Variants in REEP5 observed in about 807,000 individuals in gnomAD.
REEP5 encodes the protein receptor accessory protein 5.
Under a neutral mutation model 22.4 loss-of-function variants are expected in REEP5, and 24 were observed. The ratio of observed to expected loss-of-function variants is 1.07; its 90% CI spans 0.78 to 1.51. The LOEUF is 1.51. Ranked by LOEUF, REEP5 falls within the 40% of genes most tolerant of loss-of-function variation. REEP5 has a pLI of 0.00. For missense variants in REEP5, 252 were observed against 233.0 expected, an observed-to-expected ratio of 1.08 and a Z score of -0.53; for synonymous variants, 103 against 88.6, an observed-to-expected ratio of 1.16 and a Z score of -0.92.
intron 2 of REEP5, among the ~76,000 whole-genome samples, chr5:112,913,959 G>A (rs1257410452): frequency 6.6e-6 from 1 of 151,712 alleles, no homozygotes; most frequent in African/African-American, 2.4e-5. Flanking sequence ...TTTGAGACCA[G>A]CCTGGGCAAC....
chr5:112,882,517 G>T (rs1026281422), intron 4 of REEP5, among the ~76,000 whole-genome samples: 1 of 152,192 alleles, frequency 6.6e-6, no homozygotes, highest in Non-Finnish European at 1.5e-5. Context: ...CCATGTAGCT[G>T]AGTATGGCTG....
intron 4 of REEP5, chr5:112,885,839 CT>C: frequency 5.0e-6 from 1 of 199,826 alleles, no homozygotes; most frequent in Non-Finnish European, 1.1e-5. Context: ...ACCTCTCAGC[CT>C]TTTAGAGAAT....
rs552226372 is a variant in REEP5 at position 112,893,094 on chromosome 5, TAAAAAAAA to T, written c.352-5919_352-5912del. 9.5e-3 allele frequency: 4,738 copies of T among 500,422 alleles called. 1 individual carries two copies. The highest frequency in any genetic ancestry group is 0.014 in the Middle Eastern group (21 of 1,496). 31.0% of individuals were successfully genotyped at this position (500,422 alleles called of 1,614,324 possible). A position where few individuals can be genotyped will look rare whatever the true frequency, so the allele number is the denominator to read the frequency against. On this transcript the variant is annotated intron_variant, in intron 3 of 4. Transcript: ENST00000379638. ...AATCCAAATAAACTAGTTTTGTTCTTAAAAAAAAAAAAAAAAAAAAAAAGAATGGACCA... is the reference window on the plus strand; with the variant it reads ...AATCCAAATAAACTAGTTTTGTTCTTAAAAAAAAAAAAAAAGAATGGACCA...
chr5:112,901,940 G>A (rs1259616472), intron 3 of REEP5, among the ~76,000 whole-genome samples: 7 of 148,832 alleles, frequency 4.7e-5, no homozygotes, highest in Non-Finnish European at 7.4e-5. Context: ...TCTAGCCTGG[G>A]CGACGGAGCA....
rs1767952486 is a variant in REEP5, at chr5:112,878,055, T to TA, written c.*730dup. On this transcript the variant is annotated 3_prime_UTR_variant, in exon 5 of 5. Transcript: ENST00000379638. Reference sequence around the variant, plus strand: ...CCGATTTATCACTAGAGTGAGTAACTAACTAACTAACTGCTTTATAAAGCT... The same window carrying TA: ...CCGATTTATCACTAGAGTGAGTAACTAAACTAACTAACTGCTTTATAAAGCT... 3.6e-5 allele frequency: 1 copy of TA among 27,518 alleles called. No individual in the cohort carries two copies. Among genetic ancestry groups the TA allele is most frequent in the Admixed American group, 6.6e-4 (1 of 1,508 alleles). 1.7% of individuals were successfully genotyped at this position (27,518 alleles called of 1,614,324 possible).
At chr5:112,899,177 C>G (rs1309405720) in intron 3 of REEP5, among the ~76,000 whole-genome samples, 1 of 151,864 alleles carries the variant, frequency 6.6e-6, no homozygotes, top group Non-Finnish European at 1.5e-5. Flanking sequence ...CTCCTGGGCT[C>G]AAACCATCCT....
chr5:112,894,427 T>G (rs539755542), intron 3 of REEP5: 4 of 152,318 alleles, frequency 2.6e-5, no homozygotes, highest in Admixed American at 2.6e-4. Flanking sequence ...CCTTTTGGTT[T>G]TTAATATCCA....
In REEP5 at chr5:112,908,086, C is replaced by CTTTGTTTTTTTTTTTTTT. The variant is rs1561657600; in HGVS notation, c.213-5569_213-5568insAAAAAAAAAAAAAACAAA. On this transcript the variant is annotated intron_variant, in intron 2 of 4. Transcript: ENST00000379638. The stretch of plus-strand genomic sequence containing the variant: ...TTTGGAAAAGAATGAGCATCAGAGA[C>CTTTGTTTTTTTTTTTTTT]TTTCTTTGTTTTTTGTTTTTTTTTT... Among the ~76,000 whole-genome samples, 7 of 76,764 alleles carry CTTTGTTTTTTTTTTTTTT rather than the reference C, an allele frequency of 9.1e-5. 1 individual carries two copies. Among genetic ancestry groups the CTTTGTTTTTTTTTTTTTT allele is most frequent in the African/African-American group, 6.8e-5 (1 of 14,792 alleles). 50.4% of individuals were successfully genotyped at this position (76,764 alleles called of 152,430 possible).
intron 2 of REEP5, among the ~76,000 whole-genome samples, chr5:112,909,894 G>C (rs888263709): frequency 6.6e-6 from 1 of 152,226 alleles, no homozygotes. Flanking sequence ...CCCAAATTAA[G>C]TGTCATCTTT....
intron 2 of REEP5, among the ~76,000 whole-genome samples, chr5:112,904,725 A>T (rs1768918085): frequency 6.6e-6 from 1 of 152,210 alleles, no homozygotes; most frequent in African/African-American, 2.4e-5. Flanking sequence ...TCCTGAAACC[A>T]TTCTGATATT....
chr5:112,921,765 C>A (rs1769376225), intron 1 of REEP5: 2 of 259,572 alleles, frequency 7.7e-6, no homozygotes, highest in Non-Finnish European at 1.5e-5. Flanking sequence ...TCCGCGCCCA[C>A]CGCGCAGGAC....
intron 3 of REEP5, among the ~76,000 whole-genome samples, chr5:112,888,657 A>G (rs1768338272): frequency 6.8e-6 from 1 of 146,242 alleles, no homozygotes; most frequent in African/African-American, 2.7e-5. Context: ...TATCTCAACT[A>G]CAGTAAAAAG....
chr5:112,919,697 G>A (rs1459569339), intron 2 of REEP5, among the ~76,000 whole-genome samples: 1 of 152,164 alleles, frequency 6.6e-6, no homozygotes, highest in Admixed American at 6.5e-5. Context: ...CATCTTTGAA[G>A]CAGGGAGCAA....
intron 2 of REEP5, among the ~76,000 whole-genome samples, chr5:112,914,420 T>C (rs1204606489): frequency 6.6e-6 from 1 of 151,950 alleles, no homozygotes; most frequent in Non-Finnish European, 1.5e-5. Context: ...GTATTTTTTG[T>C]AGAGATGGGG....
chr5:112,903,249 C>A (rs1418305663), intron 2 of REEP5, among the ~76,000 whole-genome samples: 2 of 152,250 alleles, frequency 1.3e-5, no homozygotes, highest in Non-Finnish European at 2.9e-5. Flanking sequence ...TGAAGCTCCA[C>A]AATTTCTTAT....
chr5:112,902,667 A>G, intron 2 of REEP5, 149 bp from the exon 3 acceptor site: 1 of 640,112 alleles, frequency 1.6e-6, no homozygotes, highest in Admixed American at 3.6e-5. Context: ...TACAGCTTAA[A>G]GACTGGAAGC....
Position 112,879,912 on chromosome 5 carries a change from C to G in REEP5, c.521-1077G>C, listed in dbSNP as rs545084803. ...TGGCCAATATGAATGGTGAGACCCC[C>G]ACCCCCCACCTCTATTTTAAAAAAA... On this transcript the variant is annotated intron_variant, in intron 4 of 4. Transcript: ENST00000379638. 3.7e-3 allele frequency among the ~76,000 whole-genome samples: 556 copies of G among 152,074 alleles called. 3 individuals are homozygous for G. Among genetic ancestry groups the G allele is most frequent in the African/African-American group, 0.013 (534 of 41,508 alleles).
intron 3 of REEP5, chr5:112,892,627 C>T: frequency 1.2e-6 from 2 of 1,614,090 alleles, no homozygotes; most frequent in South Asian, 2.2e-5. Context: ...AAGAGGAAAA[C>T]ACTGCAACTT....
chr5:112,891,575 G>T lies in REEP5; in HGVS notation c.352-4392C>A. 3 of 1,551,700 alleles carry T rather than the reference G, an allele frequency of 1.9e-6. No individual in the cohort carries two copies. The South Asian group carries it at 3.6e-5, about 18-fold the overall frequency. ...TAGAATCACTGACAGTGGCAGCTATGAACAAAATCTTCCATATATTCCCAT... is the reference window on the plus strand; with the variant it reads ...TAGAATCACTGACAGTGGCAGCTATTAACAAAATCTTCCATATATTCCCAT... On this transcript the variant is annotated intron_variant, in intron 3 of 4. Transcript: ENST00000379638.
Sources: gnomAD v4.1 joint callset for allele counts (sites outside exome capture counted in the v4.1 genomes callset) on GRCh38, gnomAD v4.1.1 for gene constraint, MANE v1.5 for transcripts, NCBI Gene and HGNC (gene_info 2026-07-23, HGNC 2026-07-21) for gene names.